Variants in SAMD12 observed in about 807,000 individuals in gnomAD.
SAMD12 encodes sterile alpha motif domain-containing protein 12.
A neutral mutation model predicts 15.0 loss-of-function variants in SAMD12; 9 were observed. The observed-to-expected ratio is 0.60, with a 90% confidence interval of 0.36 to 1.05. The LOEUF (loss-of-function observed/expected upper bound fraction) is 1.05, where lower values mean the gene tolerates loss of function less well. SAMD12 is among the 50% of genes least tolerant of loss of function. The probability of loss-of-function intolerance (pLI) is 0.01; values close to 1 mark genes in which losing one functional copy is unlikely to be tolerated. For synonymous variants in SAMD12, 86 were observed against 90.1 expected (o/e 0.96, Z 0.25); for missense variants, 230 against 234.2 (o/e 0.98, Z 0.12).
intron 3 of SAMD12, among the ~76,000 whole-genome samples, chr8:118,413,184 T>C (rs376238704): frequency 3.9e-5 from 6 of 152,226 alleles, no homozygotes; most frequent in Admixed American, 1.3e-4. Flanking sequence ...TCAGCAAATG[T>C]AGCCTAAATC....
intron 2 of SAMD12, among the ~76,000 whole-genome samples, chr8:118,556,594 G>C (rs891707042): frequency 6.6e-6 from 1 of 152,188 alleles, no homozygotes; most frequent in Non-Finnish European, 1.5e-5. Context: ...AATCTAATAA[G>C]TGTGATGGTG....
chr8:118,391,301 C>T (rs1338922908), intron 3 of SAMD12, among the ~76,000 whole-genome samples: 1 of 152,128 alleles, frequency 6.6e-6, no homozygotes, highest in Admixed American at 6.6e-5. Context: ...AATAAACAAC[C>T]TTCAAGGTCT....
intron 3 of SAMD12, among the ~76,000 whole-genome samples, chr8:118,409,071 A>T (rs1207047386): frequency 1.3e-5 from 2 of 152,004 alleles, no homozygotes; most frequent in Non-Finnish European, 2.9e-5. Flanking sequence ...GCTAAGAAAA[A>T]ATTCAATTAT....
chr8:118,443,176 G>A (rs1822807793), intron 2 of SAMD12, among the ~76,000 whole-genome samples: 1 of 152,148 alleles, frequency 6.6e-6, no homozygotes, highest in South Asian at 2.1e-4. Flanking sequence ...TTTTAAGACT[G>A]TATGAGGCTG....
At chr8:118,454,368 T>C (rs1019463270) in intron 2 of SAMD12, among the ~76,000 whole-genome samples, 2 of 152,208 alleles carry the variant, frequency 1.3e-5, no homozygotes, top group Non-Finnish European at 2.9e-5. Flanking sequence ...CCTAGAAGGC[T>C]TTAAGGACCT....
intron 2 of SAMD12, among the ~76,000 whole-genome samples, chr8:118,562,327 A>G (rs561540020): frequency 6.6e-6 from 1 of 152,342 alleles, no homozygotes; most frequent in African/African-American, 2.4e-5. Flanking sequence ...ACTGGCATCA[A>G]GACTGCCAAG....
intron 2 of SAMD12, among the ~76,000 whole-genome samples, chr8:118,500,267 G>A (rs972212317): frequency 4.0e-5 from 6 of 151,254 alleles, no homozygotes; most frequent in Non-Finnish European, 7.4e-5. Flanking sequence ...TAGTAGAGAC[G>A]GGGTTTCTCC....
exon 5 of SAMD12, chr8:118,192,626 A>G (rs139465253): frequency 6.6e-6 from 1 of 152,046 alleles, no homozygotes; most frequent in Non-Finnish European, 1.5e-5. Flanking sequence ...AACCAACCAA[A>G]CAAACAAACA....
At chr8:118,300,504 G>A (rs1463139147) in intron 4 of SAMD12, among the ~76,000 whole-genome samples, 1 of 152,208 alleles carries the variant, frequency 6.6e-6, no homozygotes, top group East Asian at 1.9e-4. Context: ...AGGTTGAGAA[G>A]TGGTAAAGGC....
rs536271844 is a variant in SAMD12, at chr8:118,342,621, G to C, written c.433+36939C>G. On this transcript the variant is annotated intron_variant, in intron 4 of 4. Coordinates refer to the SAMD12 transcript ENST00000409003. ...GAAGTACTGACTTAATGCCCCAAAG[G>C]AAAGAAAAACAAAAAGAATCCCACA... Among the ~76,000 whole-genome samples, 5 of 152,122 alleles carry C rather than the reference G, an allele frequency of 3.3e-5. No homozygotes were observed. In the East Asian group the frequency reaches 7.7e-4, roughly 23 times the overall value.
chr8:118,590,211 G>A (rs1219333759), intron 1 of SAMD12, among the ~76,000 whole-genome samples: 1 of 152,184 alleles, frequency 6.6e-6, no homozygotes, highest in East Asian at 1.9e-4. Context: ...GATAATAACT[G>A]CTTTACTCAA....
chr8:118,583,198 A>G (rs1406553450), intron 1 of SAMD12, among the ~76,000 whole-genome samples: 2 of 152,172 alleles, frequency 1.3e-5, no homozygotes, highest in Non-Finnish European at 2.9e-5. Flanking sequence ...CTGCTACTCA[A>G]CAGGGCTGTA....
At chr8:118,138,978 T>G in the SAMD12 span, among the ~76,000 whole-genome samples, 2 of 152,222 alleles carry the variant, frequency 1.3e-5, no homozygotes, top group African/African-American at 4.8e-5. Context: ...TACAACTCAT[T>G]GCTGGACTCT....
intron 2 of SAMD12, among the ~76,000 whole-genome samples, chr8:118,524,171 C>T (rs1442914516): frequency 6.6e-6 from 1 of 152,094 alleles, no homozygotes; most frequent in Admixed American, 6.6e-5. Flanking sequence ...ATCCACCAGA[C>T]CCACTCTCTT....
In SAMD12 at chr8:118,378,343, T is replaced by C. The variant is rs748314794; in HGVS notation, c.*1074A>G. 5 of 918,080 alleles carry C rather than the reference T, an allele frequency of 5.4e-6. No homozygotes were observed. The highest frequency in any genetic ancestry group is 3.6e-5 in the African/African-American group (2 of 55,772). 56.9% of individuals were successfully genotyped at this position (918,080 alleles called of 1,614,324 possible). ...TAATCTTCGTATTTCTATCTACTTC[T>C]TAAAAGAAGCTTAAAAGCCTATCAG... On this transcript the variant is annotated 3_prime_UTR_variant, in exon 4 of 4. Transcript: ENST00000314727.
Position 118,548,737 on chromosome 8 carries a change from G to C in SAMD12, c.192+31978C>G, listed in dbSNP as rs567520241. Among the ~76,000 whole-genome samples the C allele has an allele frequency of 9.3e-4, 141 of 152,360 alleles. 1 individual carries two copies. Among genetic ancestry groups the C allele is most frequent in the African/African-American group, 3.3e-3 (138 of 41,594 alleles). On this transcript the variant is annotated intron_variant, in intron 2 of 3. Coordinates refer to ENST00000314727, the MANE Select transcript of SAMD12 (RefSeq NM_207506.3). Reference sequence around the variant, plus strand: ...AGCAGGGCGAGGCATTGCCTCACTCGGGAAGTGCAAGGGGTCAGGGAGTTC... The same window carrying C: ...AGCAGGGCGAGGCATTGCCTCACTCCGGAAGTGCAAGGGGTCAGGGAGTTC...
intron 4 of SAMD12, among the ~76,000 whole-genome samples, chr8:118,280,575 GA>G (rs1442777031): frequency 6.6e-6 from 1 of 152,124 alleles, no homozygotes; most frequent in East Asian, 1.9e-4. Context: ...CCAGAGCCAT[GA>G]CTCTGGACTA....
rs117758889 is a variant in SAMD12, at chr8:118,275,552, A to G, written c.434-77820T>C. On this transcript the variant is annotated intron_variant, in intron 4 of 4. Transcript: ENST00000409003. ...CATGCAAAAATCTGCTTTTTTAAAA[A>G]AGTAATTACAACTTTTATTTTAGAT... Among the ~76,000 whole-genome samples, 82 of 152,324 alleles carry G rather than the reference A, an allele frequency of 5.4e-4. No individual in the cohort carries two copies. The East Asian group carries it at 0.014, about 26-fold the overall frequency.
chr8:118,141,592 T>C, the SAMD12 span, among the ~76,000 whole-genome samples: 1 of 152,308 alleles, frequency 6.6e-6, no homozygotes, highest in South Asian at 2.1e-4. Context: ...CATACCAGTA[T>C]AGAAATTGAG....
Sources: gnomAD v4.1 joint callset for allele counts (sites outside exome capture counted in the v4.1 genomes callset) on GRCh38, gnomAD v4.1.1 for gene constraint, MANE v1.5 for transcripts, NCBI Gene and HGNC (gene_info 2026-07-23, HGNC 2026-07-21) for gene names.